ZNF641: variants seen among roughly 807,000 people sequenced by gnomAD.
The protein encoded by ZNF641 is zinc finger protein 641.
Under a neutral mutation model 46.2 loss-of-function variants are expected in ZNF641, and 26 were observed. The observed-to-expected ratio is 0.56, with a 90% CI of 0.41 to 0.78. The LOEUF (loss-of-function observed/expected upper bound fraction) is 0.78, where lower values mean the gene tolerates loss of function less well. Ranked by LOEUF, ZNF641 falls within the 30% of genes least tolerant of loss-of-function variation. ZNF641 has a pLI of 0.00. For synonymous variants in ZNF641, 163 were observed against 187.9 expected, an observed-to-expected ratio of 0.87 and a Z score of 1.09; for missense variants, 469 against 517.8, an observed-to-expected ratio of 0.91 and a Z score of 0.91.
In ZNF641 at chr12:48,340,168, G is replaced by A. The variant is rs1952686065; in HGVS notation, c.*2805C>T. Reference sequence around the variant, plus strand: ...TTTTATTTTTTGTCCAAGAGAGGTGGTGTTGGACCGAGGTAGAGAAGACAG... The same window carrying A: ...TTTTATTTTTTGTCCAAGAGAGGTGATGTTGGACCGAGGTAGAGAAGACAG... On this transcript the variant is annotated 3_prime_UTR_variant, in exon 6 of 6. Coordinates refer to ENST00000547026, the MANE Select transcript of ZNF641 (RefSeq NM_001172681.2). The A allele has an allele frequency of 2.0e-6, 2 of 985,334 alleles. No individual in the cohort carries two copies. Among genetic ancestry groups the A allele is most frequent in the African/African-American group, 1.7e-5 (1 of 57,232 alleles). The allele number at this position is 985,334 out of a possible 1,614,324, so 61.0% of individuals were successfully genotyped here.
intron 1 of ZNF641, chr12:48,350,059 G>A (rs1244942199): frequency 6.2e-7 from 1 of 1,614,102 alleles, no homozygotes; most frequent in Non-Finnish European, 8.5e-7. Context: ...TCCTCAGCTT[G>A]CATTTCCTAA....
chr12:48,343,005 T>G lies in ZNF641; in HGVS notation c.1243A>C (p.Asn415His). 1 of 1,614,068 alleles carries G rather than the reference T, an allele frequency of 6.2e-7. No homozygotes were observed. The highest frequency in any genetic ancestry group is 8.5e-7 in the Non-Finnish European group (1 of 1,179,936). Residue 415 changes from asparagine to histidine, a missense_variant, in exon 6 of 6, where the codon AAC becomes CAC. Physicochemically the swap from Asn to His is moderately conservative, Grantham distance 68 (BLOSUM62 1). Transcript: ENST00000547026. ...ACAGATGTTCCTCTGTCCCAGCTGTTCCGGGGACTTTGTCCCTGGTGGGTG... is the reference window on the plus strand; with the variant it reads ...ACAGATGTTCCTCTGTCCCAGCTGTGCCGGGGACTTTGTCCCTGGTGGGTG... ...LLTHQGQSPR[N>H]SWDRGTSVF is the part of the protein sequence containing the mutation.
rs1240841804 is a variant in ZNF641 at position 48,341,824 on chromosome 12, C to T, written c.*1149G>A. ...GCCCAGAGATTCAAACCTAGACATA[C>T]ACATCCACAATTGTCTTAATCTCAG... is the stretch of plus-strand genomic sequence containing the variant. On this transcript the variant is annotated 3_prime_UTR_variant, in exon 6 of 6. Transcript: ENST00000547026. 7.1e-6 allele frequency: 7 copies of T among 985,368 alleles called. No homozygotes were observed. In the East Asian group the frequency reaches 7.9e-4, roughly 111 times the overall value. 61.0% of individuals were successfully genotyped at this position (985,368 alleles called of 1,614,324 possible).
chr12:48,345,433 C>T lies in ZNF641; in HGVS notation c.318G>A (p.Gln106=). ...AGGGGTCCAGGCTCCGCCACTCCTC[C>T]TGAGAGAAGCACAGTGACACATCCT... ...TIKDVSLCFS[Q]EEWRSLDPSQ... Residue 106 remains glutamine (Q), a synonymous_variant, in exon 4 of 6, where the codon CAG becomes CAA. Coordinates refer to ENST00000547026, the MANE Select transcript of ZNF641 (RefSeq NM_001172681.2). 6.2e-7 allele frequency: 1 copy of T among 1,614,222 alleles called. No homozygotes were observed.
At position 48,337,261 on chromosome 12, in the gene ZNF641, T is replaced by C. The variant is rs1331857030; in HGVS notation, c.*5712A>G. The C allele has an allele frequency of 1.3e-5, 2 of 152,134 alleles. No homozygotes were observed. 9.4% of individuals were successfully genotyped at this position (152,134 alleles called of 1,614,324 possible). A position where few individuals can be genotyped will look rare whatever the true frequency, so the allele number is the denominator to read the frequency against. On this transcript the variant is annotated 3_prime_UTR_variant, in exon 6 of 6. Transcript: ENST00000547026. Reference sequence around the variant, plus strand: ...GTAACCCAAGGAAGTTCACAGTTCATCAGAAGGAACCAATTCAGATAATAG... The same window carrying C: ...GTAACCCAAGGAAGTTCACAGTTCACCAGAAGGAACCAATTCAGATAATAG...
rs942151672 is a variant in ZNF641 at position 48,338,541 on chromosome 12, C to T, written c.*4432G>A. ...CTCATAGGTGCGCCTGGGAGAGGAACTGGAGGAGGTAGCAGGGTCAGAGAC... is the reference window on the plus strand; with the variant it reads ...CTCATAGGTGCGCCTGGGAGAGGAATTGGAGGAGGTAGCAGGGTCAGAGAC... On this transcript the variant is annotated 3_prime_UTR_variant, in exon 6 of 6. Transcript: ENST00000547026. The T allele has an allele frequency of 6.6e-6, 1 of 152,236 alleles. No homozygotes were observed. The highest frequency in any genetic ancestry group is 1.5e-5 in the Non-Finnish European group (1 of 68,078). The allele number at this position is 152,236 out of a possible 1,614,324, so 9.4% of individuals were successfully genotyped here.
At chr12:48,348,255 G>C (rs1385432231) in intron 1 of ZNF641, 140 bp from the exon 2 acceptor site, 47 of 836,198 alleles carry the variant, frequency 5.6e-5, no homozygotes, top group Non-Finnish European at 7.9e-5. Flanking sequence ...TTAAAAGCTT[G>C]ATGTGTTCCG....
chr12:48,342,025 G>C lies in ZNF641; in HGVS notation c.*948C>G. The C allele has an allele frequency of 1.0e-6, 1 of 985,426 alleles. No individual in the cohort carries two copies. The highest frequency in any genetic ancestry group is 1.2e-6 in the Non-Finnish European group (1 of 829,956). The allele number at this position is 985,426 out of a possible 1,614,324, so 61.0% of individuals were successfully genotyped here. On this transcript the variant is annotated 3_prime_UTR_variant, in exon 6 of 6. Transcript: ENST00000547026. ...ACCTAGCTTGTACAGTTTGCACATAGCATGCTGTCTTCAAAGACCCTGCAC... is the reference window on the plus strand; with the variant it reads ...ACCTAGCTTGTACAGTTTGCACATACCATGCTGTCTTCAAAGACCCTGCAC...
chr12:48,341,894 C>G lies in ZNF641; in HGVS notation c.*1079G>C, dbSNP rs975564927. 7.1e-6 allele frequency: 7 copies of G among 985,434 alleles called. No individual in the cohort carries two copies. In the African/African-American group the frequency reaches 1.2e-4, roughly 17 times the overall value. The allele number at this position is 985,434 out of a possible 1,614,324, so 61.0% of individuals were successfully genotyped here. ...TACTCAACTTAACCTGTCATTTAACCCTTTCCACTAGTTCTCCCTTAACCA... is the reference window on the plus strand; with the variant it reads ...TACTCAACTTAACCTGTCATTTAACGCTTTCCACTAGTTCTCCCTTAACCA... On this transcript the variant is annotated 3_prime_UTR_variant, in exon 6 of 6. Transcript: ENST00000547026.
chr12:48,341,115 T>A lies in ZNF641; in HGVS notation c.*1858A>T, dbSNP rs1460500505. On this transcript the variant is annotated 3_prime_UTR_variant, in exon 6 of 6. Transcript: ENST00000547026. ...TCAGCAAAATAAGTCTATCTTCAAT[T>A]CTAGTTGAGTCCAGGACTCTGAGGA... 8 of 985,356 alleles carry A rather than the reference T, an allele frequency of 8.1e-6. No individual in the cohort carries two copies. Among genetic ancestry groups the A allele is most frequent in the African/African-American group, 1.7e-5 (1 of 57,254 alleles). The allele number at this position is 985,356 out of a possible 1,614,324, so 61.0% of individuals were successfully genotyped here.
rs553299900 is a variant in ZNF641 at position 48,343,498 on chromosome 12, G to A, written c.750C>T (p.His250=). Residue 250 remains histidine, a synonymous_variant, in exon 6 of 6, where the codon CAC becomes CAT. Coordinates refer to ENST00000547026, the MANE Select transcript of ZNF641 (RefSeq NM_001172681.2). ...ACTGTTTCCCACACTGGGGGCATGT[G>A]TGGGGTCTTAACAGGGAATCCATCT... ...STEMDSLLRP[H]TCPQCGKQFV... The A allele has an allele frequency of 1.2e-6, 2 of 1,613,854 alleles. No individual in the cohort carries two copies. The highest frequency in any genetic ancestry group is 4.5e-5 in the East Asian group (2 of 44,874).
At chr12:48,334,694 A>ATAAAGC (rs61402829), downstream of ZNF641, among the ~76,000 whole-genome samples, 1 of 151,174 alleles carries the variant, frequency 6.6e-6, no homozygotes, top group Non-Finnish European at 1.5e-5. Context: ...CACAATTAGA[A>ATAAAGC]TAATCAAGTG....
chr12:48,348,075 T>A lies in ZNF641; in HGVS notation c.16A>T (p.Thr6Ser), dbSNP rs1269629224. The change falls in exon 2 of 6, where the codon ACA becomes TCA. Residue 6 changes from threonine (T) to serine (S), a missense_variant. Thr to Ser is a moderately conservative substitution (Grantham distance 58, BLOSUM62 1). Coordinates refer to ENST00000547026, the MANE Select transcript of ZNF641 (RefSeq NM_001172681.2). The part of the protein sequence containing the change: MLSEQ[T>S]AALGTGWESM... ...TCCCATCCTGTCCCCAGCGCTGCTG[T>A]CTGTTCTGAAAGCATTTCTGCTGCA... 1.2e-6 allele frequency: 2 copies of A among 1,614,210 alleles called. No individual in the cohort carries two copies. Among genetic ancestry groups the A allele is most frequent in the East Asian group, 4.5e-5 (2 of 44,888 alleles).
In ZNF641 at chr12:48,339,773, TG is replaced by T; in HGVS notation, c.*3199del. 8.5e-6 allele frequency: 2 copies of T among 236,622 alleles called. No homozygotes were observed. Among genetic ancestry groups the T allele is most frequent in the Non-Finnish European group, 6.9e-6 (1 of 145,152 alleles). The allele number at this position is 236,622 out of a possible 1,614,324, so 14.7% of individuals were successfully genotyped here. A position where few individuals can be genotyped will look rare whatever the true frequency, so the allele number is the denominator to read the frequency against. ...ATTTTGTCCCAAATTATCACCTCTT[TG>T]GTTCTCTGAAGCCATAACATTACTT... On this transcript the variant is annotated 3_prime_UTR_variant, in exon 6 of 6. Coordinates refer to ENST00000547026, the MANE Select transcript of ZNF641 (RefSeq NM_001172681.2).
At chr12:48,348,723 G>A (rs1338471888) in intron 1 of ZNF641, among the ~76,000 whole-genome samples, 1 of 152,160 alleles carries the variant, frequency 6.6e-6, no homozygotes, top group Non-Finnish European at 1.5e-5. Flanking sequence ...TAGTAAATAT[G>A]GTAGAAAAAC....
chr12:48,336,814 T>C (rs1014756868), downstream of ZNF641, among the ~76,000 whole-genome samples: 2 of 152,204 alleles, frequency 1.3e-5, no homozygotes, highest in African/African-American at 4.8e-5. Flanking sequence ...GGGTCAGCCC[T>C]TGTAGGGCCT....
chr12:48,334,603 TA>T (rs1219392740), downstream of ZNF641, among the ~76,000 whole-genome samples: 1 of 152,068 alleles, frequency 6.6e-6, no homozygotes, highest in African/African-American at 2.4e-5. Context: ...GCACCGTAAT[TA>T]AGTTTATTAT....
At position 48,343,477 on chromosome 12, in the gene ZNF641, T is replaced by C. The variant is rs1952775080; in HGVS notation, c.771A>G (p.Lys257=). 1.2e-6 allele frequency: 2 copies of C among 1,613,860 alleles called. No individual in the cohort carries two copies. Among genetic ancestry groups the C allele is most frequent in the African/African-American group, 2.7e-5 (2 of 74,922 alleles). The change falls in exon 6 of 6, where the codon AAA becomes AAG. Residue 257 remains lysine, a synonymous_variant. Transcript: ENST00000547026. ...CAAGGTGGGAACCCCATACAAACTG[T>C]TTCCCACACTGGGGGCATGTGTGGG... ...LRPHTCPQCG[K]QFVWGSHLAR... is the part of the protein sequence containing the mutation.
intron 2 of ZNF641, 29 bp from the exon 3 acceptor site, chr12:48,347,372 G>A (rs774946663): frequency 2.4e-5 from 38 of 1,577,448 alleles, no homozygotes; most frequent in Non-Finnish European, 3.3e-5. Flanking sequence ...AAACATTAGA[G>A]AATAACGATC....
Sources: allele counts gnomAD v4.1 joint callset (sites outside exome capture counted in the v4.1 genomes callset), GRCh38; gene constraint gnomAD v4.1.1; transcripts MANE v1.5; gene names NCBI Gene and HGNC (gene_info 2026-07-23, HGNC 2026-07-21).